MIR2052HG: variants seen among roughly 807,000 people sequenced by gnomAD.
MIR2052HG encodes MIR2052 host gene.
At chr8:74,707,227 A>T (rs998613322) in intron 4 of MIR2052HG, among the ~76,000 whole-genome samples, 1 of 152,064 alleles carries the variant, frequency 6.6e-6, no homozygotes, top group Non-Finnish European at 1.5e-5. Flanking sequence ...ATATTGTTAC[A>T]TTGAGTGTTT....
rs575158869 is a variant in MIR2052HG, at chr8:74,705,152, C to T, written n.371+1470C>T. Reference sequence around the variant, plus strand: ...GATTGACTACTGTTAATGTCTGTCTCAATTTTGATTTCTAATTCAGACAAT... The same window carrying T: ...GATTGACTACTGTTAATGTCTGTCTTAATTTTGATTTCTAATTCAGACAAT... On this transcript the variant is annotated intron_variant and non_coding_transcript_variant, in intron 4 of 6. Coordinates refer to ENST00000523442, the Ensembl canonical transcript of MIR2052HG. 7.0e-4 allele frequency among the ~76,000 whole-genome samples: 106 copies of T among 151,712 alleles called. 1 individual carries two copies. The highest frequency in any genetic ancestry group is 2.3e-3 in the African/African-American group (97 of 41,370).
chr8:74,643,198 C>T (rs9298241), intron 2 of MIR2052HG, among the ~76,000 whole-genome samples: 39,057 of 152,052 alleles, frequency 0.26, 5,855 homozygotes, highest in East Asian at 0.66. Flanking sequence ...CTTCAAAAGG[C>T]GAATTATTCT....
intron 2 of MIR2052HG, among the ~76,000 whole-genome samples, chr8:74,700,655 C>A (rs1029728539): frequency 2.0e-5 from 3 of 152,060 alleles, no homozygotes; most frequent in Non-Finnish European, 4.4e-5. Flanking sequence ...GGGCAGTCTA[C>A]ACTTATAGAT....
intron 2 of MIR2052HG, among the ~76,000 whole-genome samples, chr8:74,666,197 C>T (rs910741465): frequency 6.6e-6 from 1 of 152,062 alleles, no homozygotes; most frequent in East Asian, 1.9e-4. Context: ...GACCAGTATC[C>T]CTGGTTACCT....
chr8:74,698,080 G>A (rs1172814771), intron 2 of MIR2052HG, among the ~76,000 whole-genome samples: 1 of 152,118 alleles, frequency 6.6e-6, no homozygotes, highest in Non-Finnish European at 1.5e-5. Context: ...CAAATCTGGA[G>A]GCATCACATT....
intron 2 of MIR2052HG, among the ~76,000 whole-genome samples, chr8:74,697,941 C>T (rs1809315541): frequency 6.6e-6 from 1 of 152,080 alleles, no homozygotes; most frequent in Admixed American, 6.6e-5. Context: ...CAAAAGCAAT[C>T]TACAAATTCA....
chr8:74,707,305 C>G (rs1372497344), intron 4 of MIR2052HG, among the ~76,000 whole-genome samples: 1 of 152,094 alleles, frequency 6.6e-6, no homozygotes, highest in Non-Finnish European at 1.5e-5. Flanking sequence ...GGCTGAAAGT[C>G]TTCTTCAGAA....
intron 2 of MIR2052HG, among the ~76,000 whole-genome samples, chr8:74,686,268 G>C (rs1170850147): frequency 2.0e-5 from 3 of 151,762 alleles, no homozygotes; most frequent in African/African-American, 7.3e-5. Flanking sequence ...GTCTAATTCT[G>C]ATCCTCACTA....
intron 1 of MIR2052HG, among the ~76,000 whole-genome samples, chr8:74,600,590 A>G (rs973142317): frequency 5.9e-5 from 9 of 151,550 alleles, no homozygotes; most frequent in African/African-American, 2.2e-4. Flanking sequence ...GAAAAAGGAA[A>G]AAAAAAAAAG....
chr8:74,724,868 C>T lies in MIR2052HG; in HGVS notation n.371+21186C>T, dbSNP rs112129893. On this transcript the variant is annotated intron_variant and non_coding_transcript_variant, in intron 4 of 6. Coordinates refer to ENST00000523442, the Ensembl canonical transcript of MIR2052HG. The stretch of plus-strand genomic sequence containing the variant: ...TGTATTATGGACTTTTTTTTTTCTC[C>T]AACTTTACCTGGCATTTGTATTGTC... 1.6e-4 allele frequency among the ~76,000 whole-genome samples: 25 copies of T among 151,638 alleles called. 3 individuals are homozygous for T. The highest frequency in any genetic ancestry group is 5.8e-4 in the African/African-American group (24 of 41,342).
chr8:74,646,370 C>T (rs1248451735), intron 2 of MIR2052HG, among the ~76,000 whole-genome samples: 1 of 152,122 alleles, frequency 6.6e-6, no homozygotes, highest in African/African-American at 2.4e-5. Context: ...TTTTAAGACA[C>T]AGGAGTTATA....
intron 5 of MIR2052HG, among the ~76,000 whole-genome samples, chr8:74,754,810 T>C (rs1809982970): frequency 6.6e-6 from 1 of 152,234 alleles, no homozygotes; most frequent in Non-Finnish European, 1.5e-5. Context: ...TTATTTATTT[T>C]GTCCCATTGT....
chr8:74,674,084 C>T (rs1256925220), intron 2 of MIR2052HG, among the ~76,000 whole-genome samples: 1 of 150,622 alleles, frequency 6.6e-6, no homozygotes, highest in African/African-American at 2.5e-5. Flanking sequence ...ACATTGCTAA[C>T]ATAATGGAAG....
chr8:74,714,730 CAG>C (rs1245086920), intron 4 of MIR2052HG, among the ~76,000 whole-genome samples: 3 of 126,688 alleles, frequency 2.4e-5, no homozygotes, highest in East Asian at 4.8e-4. Context: ...TTTTTTGAGA[CAG>C]AGTCTCACTC....
intron 2 of MIR2052HG, among the ~76,000 whole-genome samples, chr8:74,662,889 T>TGTGC (rs1554574441): frequency 2.8e-4 from 42 of 148,320 alleles, no homozygotes; most frequent in African/African-American, 1.0e-3. Context: ...TGTGTGTGTG[T>TGTGC]GTGTGGTATA....
rs147915660 is a variant in MIR2052HG, at chr8:74,642,203, A to G, written n.216+29263A>G. ...GGAATTTGCATGCTATTTTTTTTCT[A>G]ATTCCACAGTTCAAATTTGTCATGC... On this transcript the variant is annotated intron_variant and non_coding_transcript_variant, in intron 2 of 6. Transcript: ENST00000523442. Among the ~76,000 whole-genome samples the G allele has an allele frequency of 1.4e-3, 219 of 152,076 alleles. 3 individuals are homozygous for G. The East Asian group carries it at 0.037, about 25-fold the overall frequency.
intron 4 of MIR2052HG, among the ~76,000 whole-genome samples, chr8:74,725,982 A>G (rs548828803): frequency 8.5e-4 from 129 of 152,182 alleles, no homozygotes; most frequent in Non-Finnish European, 1.5e-3. Context: ...TCATGAGGTC[A>G]GGAGTTTGAG....
chr8:74,658,103 C>T (rs1808825122), intron 2 of MIR2052HG, among the ~76,000 whole-genome samples: 1 of 152,126 alleles, frequency 6.6e-6, no homozygotes, highest in African/African-American at 2.4e-5. Context: ...CTCTTTTGAA[C>T]ACCATTTTTC....
intron 4 of MIR2052HG, among the ~76,000 whole-genome samples, chr8:74,751,320 C>T (rs28683698): frequency 0.037 from 5,639 of 152,194 alleles, 356 homozygotes; most frequent in African/African-American, 0.13. Context: ...CCAAGTATAG[C>T]GTTGCTATGC....
Sources: gnomAD v4.1 joint callset for allele counts (sites outside exome capture counted in the v4.1 genomes callset) on GRCh38, gnomAD v4.1.1 for gene constraint, MANE v1.5 for transcripts, NCBI Gene and HGNC (gene_info 2026-07-23, HGNC 2026-07-21) for gene names.